The following UBAP2L variants were observed in gnomAD, a reference collection of about 807,000 sequenced individuals.
The protein encoded by UBAP2L is ubiquitin-associated protein 2-like.
Under a neutral mutation model 130.6 loss-of-function variants are expected in UBAP2L, and 12 were observed. The ratio of observed to expected loss-of-function variants is 0.09; its 90% confidence interval spans 0.06 to 0.15. The LOEUF (loss-of-function observed/expected upper bound fraction) is 0.15, where lower values mean the gene tolerates loss of function less well. Ranked by LOEUF, UBAP2L falls within the 10% of genes least tolerant of loss-of-function variation. The pLI is 1.00. For synonymous variants in UBAP2L, 503 were observed against 524.7 expected (o/e 0.96, Z 0.57); for missense variants, 965 against 1,332.5 (o/e 0.72, Z 4.29).
chr1:154,259,138 A>G (rs1021532435), intron 21 of UBAP2L, 108 bp downstream of exon 21: 1 of 999,378 alleles, frequency 1.0e-6, no homozygotes. Context: ...CCCTCCATAC[A>G]CTCTGATTTA....
At chr1:154,271,117 G>A (rs894028464), downstream of UBAP2L, 1 of 655,974 alleles carries the variant, frequency 1.5e-6, no homozygotes, top group Non-Finnish European at 2.5e-6. Context: ...ATTTCCTCCA[G>A]AAACTGCTAC....
upstream of UBAP2L, chr1:154,220,548 G>T: frequency 1.2e-6 from 1 of 831,726 alleles, no homozygotes. Flanking sequence ...AGCCAGACCC[G>T]GCCTGAAAAC....
chr1:154,252,358 G>A (rs888443974), intron 14 of UBAP2L, among the ~76,000 whole-genome samples: 2 of 145,588 alleles, frequency 1.4e-5, no homozygotes, highest in African/African-American at 2.6e-5. Flanking sequence ...TCGGCTCACT[G>A]TAACCTCTGC....
At chr1:154,242,999 A>AT (rs1674078809) in intron 9 of UBAP2L, 3 of 383,104 alleles carry the variant, frequency 7.8e-6, no homozygotes, top group Non-Finnish European at 1.4e-5. Context: ...ACTCCACTAT[A>AT]TTTTATTGGG....
Position 154,253,913 on chromosome 1 carries a change from A to G in UBAP2L, c.1678A>G (p.Thr560Ala), listed in dbSNP as rs777867867. The change falls in exon 15 of 27, where the codon ACA (threonine) becomes GCA (alanine). Residue 560 changes from threonine (T) to alanine (A), a missense_variant. Coordinates refer to ENST00000428931, the MANE Select transcript of UBAP2L (RefSeq NM_014847.4). Reference protein sequence around the residue: ...YTSTASESSSTISSNQSQESG... With the variant: ...YTSTASESSSAISSNQSQESG... ...CGTTACTCACAGTGAATCATCCTCT[A>G]CAATTTCATCTAACCAGAGTCAGGA... 4 of 1,613,984 alleles carry G rather than the reference A, an allele frequency of 2.5e-6. No homozygotes were observed. The highest frequency in any genetic ancestry group is 2.2e-5 in the East Asian group (1 of 44,874).
In UBAP2L at chr1:154,254,837, A is replaced by G. The variant is rs1489928795; in HGVS notation, c.1856A>G (p.Asn619Ser). 3 of 1,596,884 alleles carry G rather than the reference A, an allele frequency of 1.9e-6. No individual in the cohort carries two copies. Among genetic ancestry groups the G allele is most frequent in the African/African-American group, 1.4e-5 (1 of 73,192 alleles). The change falls in exon 16 of 27, where the codon AAT (asparagine) becomes AGT (serine). Residue 619 changes from asparagine (N) to serine (S), a missense_variant and splice_region_variant. This residue lies in a region of UBAP2L where 393 missense variants were observed against 408.1 expected (regional missense o/e 0.96). Transcript: ENST00000428931. ...TTCTGTTTTTTTTTTTTTTACCAGA[A>G]TGGCTTCAGTTCTGTGCAGGCCACG... ...SPQKDLTQAK[N>S]GFSSVQATQL...
At chr1:154,220,613 C>G, upstream of UBAP2L, 1 of 602,202 alleles carries the variant, frequency 1.7e-6, no homozygotes, top group South Asian at 2.0e-5. Flanking sequence ...CAGCTTCCCC[C>G]TGACACGTGA....
intron 14 of UBAP2L, among the ~76,000 whole-genome samples, chr1:154,252,350 G>A (rs566731714): frequency 2.0e-5 from 3 of 146,860 alleles, no homozygotes; most frequent in Non-Finnish European, 4.5e-5. Flanking sequence ...GTGTGATCTC[G>A]GCTCACTGTA....
chr1:154,235,702 C>CT (rs746542202), intron 6 of UBAP2L, among the ~76,000 whole-genome samples: 2 of 152,052 alleles, frequency 1.3e-5, no homozygotes, highest in Non-Finnish European at 2.9e-5. Flanking sequence ...TAGAGATGGG[C>CT]TTTCACTACA....
Position 154,253,945 on chromosome 1 carries a change from T to C in UBAP2L, c.1710T>C (p.Gly570=). The part of the protein sequence containing the change: ...TISSNQSQES[G]YQSGPIQSTT... ...CATCTAACCAGAGTCAGGAGTCTGG[T>C]TATCAGAGCGGCCCAATTCAGTCGA... is the stretch of plus-strand genomic sequence containing the variant. The change falls in exon 15 of 27, where the codon GGT becomes GGC. Residue 570 remains glycine, a synonymous_variant. Coordinates refer to ENST00000428931, the MANE Select transcript of UBAP2L (RefSeq NM_014847.4). 1 of 1,614,166 alleles carries C rather than the reference T, an allele frequency of 6.2e-7. No individual in the cohort carries two copies. Among genetic ancestry groups the C allele is most frequent in the Non-Finnish European group, 8.5e-7 (1 of 1,180,028 alleles).
intron 4 of UBAP2L, among the ~76,000 whole-genome samples, chr1:154,230,731 AC>A (rs747007053): frequency 3.3e-5 from 5 of 152,248 alleles, no homozygotes; most frequent in Non-Finnish European, 7.3e-5. Context: ...GGTTTATGTT[AC>A]GAATAAACTA....
intron 6 of UBAP2L, among the ~76,000 whole-genome samples, 178 bp from the exon 7 acceptor site, chr1:154,236,388 A>G (rs1320523261): frequency 6.6e-6 from 1 of 152,030 alleles, no homozygotes; most frequent in Admixed American, 6.6e-5. Flanking sequence ...TTATAGAGAT[A>G]GGGTTTTGCT....
At chr1:154,257,508 A>G in intron 20 of UBAP2L, 74 bp downstream of exon 20, 1 of 1,542,514 alleles carries the variant, frequency 6.5e-7, no homozygotes, top group Non-Finnish European at 8.9e-7. Context: ...CTGGCTTCAG[A>G]TGGACCCCTG....
At chr1:154,267,432 C>T (rs183016630) in intron 25 of UBAP2L, among the ~76,000 whole-genome samples, 71 of 151,564 alleles carry the variant, frequency 4.7e-4, no homozygotes, top group Non-Finnish European at 7.8e-4. Flanking sequence ...AGATTACAGG[C>T]GTGAGCCACT....
chr1:154,247,621 CTG>C (rs1199330733), intron 11 of UBAP2L, among the ~76,000 whole-genome samples: 3 of 152,130 alleles, frequency 2.0e-5, no homozygotes, highest in Non-Finnish European at 4.4e-5. Context: ...CTCAGCTACT[CTG>C]GAGGCTGAAG....
chr1:154,221,219 G>A (rs2148369872), intron 1 of UBAP2L: 1 of 152,450 alleles, frequency 6.6e-6, no homozygotes, highest in African/African-American at 2.4e-5. Flanking sequence ...GCCCCCGGAG[G>A]TTTTGTTTAT....
At chr1:154,259,802 G>A (rs1343348402) in intron 21 of UBAP2L, 146 bp from the exon 22 acceptor site, 1 of 890,404 alleles carries the variant, frequency 1.1e-6, no homozygotes, top group East Asian at 2.4e-5. Context: ...GTAATGTGGA[G>A]TTTGTGCTAA....
At chr1:154,243,172 G>A (rs1444488926) in intron 9 of UBAP2L, 45 bp from the exon 10 acceptor site, 20 of 1,552,168 alleles carry the variant, frequency 1.3e-5, no homozygotes, top group Non-Finnish European at 1.8e-5. Flanking sequence ...GTTTCTGACT[G>A]TAGCATCCCT....
intron 1 of UBAP2L, among the ~76,000 whole-genome samples, chr1:154,224,489 C>A (rs897331736): frequency 9.2e-5 from 14 of 152,100 alleles, no homozygotes; most frequent in African/African-American, 2.7e-4. Flanking sequence ...AAACAAAAAA[C>A]CCCCACAAAC....
Sources: gnomAD v4.1 joint callset for allele counts (sites outside exome capture counted in the v4.1 genomes callset) on GRCh38, gnomAD v4.1.1 for gene constraint, gnomAD v4.1.1 regional missense constraint, MANE v1.5 for transcripts, NCBI Gene and HGNC (gene_info 2026-07-23, HGNC 2026-07-21) for gene names.